ZNF83: variants seen among roughly 807,000 people sequenced by gnomAD.
ZNF83 encodes the protein zinc finger protein 83, also known as zinc finger protein 816B.
For missense variants in ZNF83, 552 were observed against 629.9 expected (o/e 0.88, Z 1.32); for synonymous variants, 209 against 213.0 (o/e 0.98, Z 0.17).
At chr19:52,646,215 C>G (rs2061370953) in intron 3 of ZNF83, among the ~76,000 whole-genome samples, 1 of 152,148 alleles carries the variant, frequency 6.6e-6, no homozygotes, top group African/African-American at 2.4e-5. Flanking sequence ...GCTGGGATTA[C>G]AGGCATGAGC....
intron 3 of ZNF83, among the ~76,000 whole-genome samples, chr19:52,644,066 C>T (rs1600221113): frequency 1.3e-5 from 2 of 152,236 alleles, no homozygotes; most frequent in Middle Eastern, 3.4e-3. Flanking sequence ...GGAGGGTTCC[C>T]TGCCAGGGAC....
chr19:52,676,501 T>TGGG (rs1280038587), intron 1 of ZNF83, among the ~76,000 whole-genome samples: 1 of 148,176 alleles, frequency 6.7e-6, no homozygotes, highest in Non-Finnish European at 1.5e-5. Flanking sequence ...GGGAGGGAGG[T>TGGG]GGGGGGCAGC....
chr19:52,613,560 G>GA, exon 3 of ZNF83: 4 of 1,611,452 alleles, frequency 2.5e-6, no homozygotes, highest in Non-Finnish European at 3.4e-6. Context: ...GGATTCTCCA[G>GA]TGATTTACTA....
intron 2 of ZNF83, chr19:52,619,055 A>G: frequency 6.2e-7 from 1 of 1,612,906 alleles, no homozygotes; most frequent in East Asian, 2.2e-5. Context: ...CCTGAATGTC[A>G]ATAGACCCTG....
At chr19:52,657,199 A>G (rs1176488585) in intron 2 of ZNF83, among the ~76,000 whole-genome samples, 1 of 152,210 alleles carries the variant, frequency 6.6e-6, no homozygotes, top group East Asian at 1.9e-4. Context: ...AGAAAATGAG[A>G]AGGTCAGCCA....
At chr19:52,678,146 G>A (rs530970754) in intron 1 of ZNF83, among the ~76,000 whole-genome samples, 1 of 151,968 alleles carries the variant, frequency 6.6e-6, no homozygotes, top group African/African-American at 2.4e-5. Context: ...AACTAAAATG[G>A]TTGCATATGA....
chr19:52,668,883 GCTCT>G (rs146755093), intron 1 of ZNF83, among the ~76,000 whole-genome samples: 1,906 of 152,250 alleles, frequency 0.013, 39 homozygotes, highest in African/African-American at 0.043. Flanking sequence ...GTTATGCCAA[GCTCT>G]CTCTGTCTGC....
chr19:52,656,293 A>G (rs2061504266), intron 2 of ZNF83, among the ~76,000 whole-genome samples: 1 of 152,008 alleles, frequency 6.6e-6, no homozygotes, highest in Non-Finnish European at 1.5e-5. Context: ...ATACCAAGGT[A>G]GGTGGATCAC....
intron 1 of ZNF83, among the ~76,000 whole-genome samples, chr19:52,663,662 GA>G (rs1370849054): frequency 3.9e-5 from 6 of 152,182 alleles, no homozygotes; most frequent in African/African-American, 1.4e-4. Flanking sequence ...TCAGGTACCA[GA>G]AAATGTTTCC....
intron 2 of ZNF83, among the ~76,000 whole-genome samples, chr19:52,620,214 G>A (rs1021270178): frequency 6.6e-5 from 9 of 137,270 alleles, no homozygotes; most frequent in South Asian, 4.4e-4. Flanking sequence ...AAATATATAC[G>A]TATGTGTGTA....
chr19:52,623,817 C>T (rs2060635930), intron 2 of ZNF83, among the ~76,000 whole-genome samples: 1 of 152,128 alleles, frequency 6.6e-6, no homozygotes, highest in Non-Finnish European at 1.5e-5. Flanking sequence ...CTTATGATTC[C>T]CCCATTTTAA....
intron 3 of ZNF83, chr19:52,652,441 GAA>G: frequency 5.2e-6 from 2 of 384,626 alleles, no homozygotes. Context: ...TCTGAAAAAA[GAA>G]AAAAAAATGA....
At chr19:52,688,971 A>AG (rs1568590178) in intron 1 of ZNF83, among the ~76,000 whole-genome samples, 3 of 143,208 alleles carry the variant, frequency 2.1e-5, no homozygotes, top group African/African-American at 7.8e-5. Flanking sequence ...AAAAAAAAAA[A>AG]AGAGAGAGAT....
rs560681912 is a variant in ZNF83 at position 52,658,287 on chromosome 19, G to A, written c.-201+2475C>T. Among the ~76,000 whole-genome samples, 11 of 152,148 alleles carry A rather than the reference G, an allele frequency of 7.2e-5. No individual in the cohort carries two copies. In the South Asian group the frequency reaches 2.1e-3, roughly 29 times the overall value. On this transcript the variant is annotated intron_variant, in intron 2 of 5. Transcript: ENST00000594682. ...CCAGGCCAGGTTCTGGCTCATGCCT[G>A]TAATTTCAGCACTCACGCCTGTAAT...
chr19:52,658,282 TGCCTGTAATTTCAGCACTCAC>T (rs1232842849), intron 2 of ZNF83, among the ~76,000 whole-genome samples: 1 of 152,090 alleles, frequency 6.6e-6, no homozygotes, highest in Admixed American at 6.5e-5. Context: ...TTCTGGCTCA[TGCCTGTAATTTCAGCACTCAC>T]GCCTGTAATT....
chr19:52,634,225 T>A (rs1278303265), intron 2 of ZNF83, among the ~76,000 whole-genome samples: 1 of 151,850 alleles, frequency 6.6e-6, no homozygotes, highest in Non-Finnish European at 1.5e-5. Flanking sequence ...TAAGCCAAGA[T>A]CAGGCCGTTG....
intron 2 of ZNF83, among the ~76,000 whole-genome samples, chr19:52,633,667 C>A (rs986007269): frequency 6.6e-6 from 1 of 152,098 alleles, no homozygotes; most frequent in African/African-American, 2.4e-5. Context: ...TCCAGCACTT[C>A]GGGAGGCCCA....
At chr19:52,625,989 C>T (rs1389793024) in intron 2 of ZNF83, among the ~76,000 whole-genome samples, 4 of 152,182 alleles carry the variant, frequency 2.6e-5, no homozygotes, top group African/African-American at 4.8e-5. Flanking sequence ...TTCTGTGGCT[C>T]CTCCGCTTAC....
At chr19:52,615,081 T>C (rs990773121) in intron 2 of ZNF83, among the ~76,000 whole-genome samples, 2 of 152,066 alleles carry the variant, frequency 1.3e-5, no homozygotes, top group African/African-American at 4.8e-5. Flanking sequence ...CTCCCCAAAA[T>C]TGAGATTTTT....
Sources: allele counts gnomAD v4.1 joint callset (sites outside exome capture counted in the v4.1 genomes callset), GRCh38; gene constraint gnomAD v4.1.1; transcripts MANE v1.5; gene names NCBI Gene and HGNC (gene_info 2026-07-23, HGNC 2026-07-21).